Variants in WDR7 observed in about 807,000 individuals in gnomAD.
The protein encoded by WDR7 is WD repeat-containing protein 7.
In WDR7, 46 loss-of-function variants were observed where a neutral mutation model predicts 169.4. The ratio of observed to expected loss-of-function variants is 0.27; its 90% CI spans 0.21 to 0.35. The LOEUF is 0.35. Among genes scored for constraint, WDR7 ranks in the 10% least tolerant of loss-of-function variants. The pLI, the probability that WDR7 is intolerant of heterozygous loss-of-function variation, is 1.00. For synonymous variants in WDR7, 612 were observed against 666.8 expected, an observed-to-expected ratio of 0.92 and a Z score of 1.27; for missense variants, 1,534 against 1,859.3, an observed-to-expected ratio of 0.83 and a Z score of 3.22.
Position 56,756,389 on chromosome 18 carries a change from C to A in WDR7, c.1990-194C>A, listed in dbSNP as rs528732709. ...TTTGTGATTGTTTCAGCATAAAGTTCTTCTAATTGTGTAAGCTGATATCTT... is the reference window on the plus strand; with the variant it reads ...TTTGTGATTGTTTCAGCATAAAGTTATTCTAATTGTGTAAGCTGATATCTT... On this transcript the variant is annotated intron_variant, in intron 14 of 27. Coordinates refer to ENST00000254442, the MANE Select transcript of WDR7 (RefSeq NM_015285.3). 2.0e-5 allele frequency among the ~76,000 whole-genome samples: 3 copies of A among 152,020 alleles called. No individual in the cohort carries two copies. The East Asian group carries it at 5.8e-4, about 29-fold the overall frequency.
intron 26 of WDR7, among the ~76,000 whole-genome samples, chr18:56,964,246 T>C (rs1169160354): frequency 6.6e-6 from 1 of 152,080 alleles, no homozygotes; most frequent in Non-Finnish European, 1.5e-5. Context: ...TTGAATATCT[T>C]ATCTTTTTCA....
Position 56,955,325 on chromosome 18 carries a change from C to T in WDR7, c.4065-7105C>T, listed in dbSNP as rs556852617. Among the ~76,000 whole-genome samples the T allele has an allele frequency of 2.0e-5, 3 of 152,190 alleles. No homozygotes were observed. The South Asian group carries it at 6.2e-4, about 32-fold the overall frequency. ...AAGTTCTTCATATTAAAACAAAAAA[C>T]TTGACCTTCCAGCAGTATTCCATTT... On this transcript the variant is annotated intron_variant, in intron 25 of 27. Coordinates refer to ENST00000254442, the MANE Select transcript of WDR7 (RefSeq NM_015285.3).
chr18:56,948,147 G>A lies in WDR7; in HGVS notation c.4064+8754G>A, dbSNP rs116388782. ...TTTGGTCACTTAAAACTGCACAGTC[G>A]TACATTATATGCACGACTGCACATT... On this transcript the variant is annotated intron_variant, in intron 25 of 27. Transcript: ENST00000254442. 3.3e-5 allele frequency among the ~76,000 whole-genome samples: 5 copies of A among 151,882 alleles called. No individual in the cohort carries two copies. The South Asian group carries it at 6.2e-4, about 19-fold the overall frequency.
At chr18:56,844,317 A>T (rs1400418869) in intron 20 of WDR7, among the ~76,000 whole-genome samples, 1 of 152,166 alleles carries the variant, frequency 6.6e-6, no homozygotes, top group East Asian at 1.9e-4. Context: ...TTAACTTTTT[A>T]AAAAATAGAT....
At position 57,027,224 on chromosome 18, in the gene WDR7, C is replaced by T. The variant is rs376196832; in HGVS notation, c.*17C>T. The T allele has an allele frequency of 1.6e-4, 252 of 1,599,556 alleles. 2 individuals carry two copies. Among genetic ancestry groups the T allele is most frequent in the Middle Eastern group, 1.2e-3 (7 of 6,044 alleles). On this transcript the variant is annotated 3_prime_UTR_variant, in exon 28 of 28. Transcript: ENST00000254442. ...ATGGTCTAATGCTGCTGCCTGCCGC[C>T]GTGACTGCGTTTTAGTTCTCTAAAT...
intron 20 of WDR7, among the ~76,000 whole-genome samples, chr18:56,846,846 C>T (rs1356502242): frequency 6.6e-6 from 1 of 152,186 alleles, no homozygotes; most frequent in African/African-American, 2.4e-5. Flanking sequence ...GCCTGCAGAG[C>T]CATGAGCCAA....
chr18:57,002,733 A>C (rs1358826102), intron 26 of WDR7, among the ~76,000 whole-genome samples: 3 of 152,190 alleles, frequency 2.0e-5, no homozygotes, highest in African/African-American at 7.2e-5. Context: ...AAGTTTGGTC[A>C]AGAAAGAAAC....
chr18:56,732,856 A>T (rs1325500575), intron 14 of WDR7, among the ~76,000 whole-genome samples: 1 of 152,172 alleles, frequency 6.6e-6, no homozygotes, highest in Non-Finnish European at 1.5e-5. Context: ...TTTGATTTTG[A>T]GCAAATTTAT....
chr18:56,801,019 T>C (rs1414597919), intron 19 of WDR7, among the ~76,000 whole-genome samples: 1 of 152,182 alleles, frequency 6.6e-6, no homozygotes, highest in African/African-American at 2.4e-5. Context: ...ATATCTAGAA[T>C]TATGTCTGTA....
At chr18:56,890,664 A>AT (rs1568251235) in intron 21 of WDR7, among the ~76,000 whole-genome samples, 2 of 152,164 alleles carry the variant, frequency 1.3e-5, no homozygotes, top group African/African-American at 4.8e-5. Flanking sequence ...TAGAGATTGC[A>AT]TTTCTGTTTG....
chr18:56,967,040 G>A (rs1429367561), intron 26 of WDR7, among the ~76,000 whole-genome samples: 3 of 152,100 alleles, frequency 2.0e-5, no homozygotes, highest in South Asian at 4.1e-4. Flanking sequence ...AAATGTTGGC[G>A]ATTATTATAT....
chr18:56,715,653 G>A (rs1198292913), intron 12 of WDR7, among the ~76,000 whole-genome samples: 1 of 152,084 alleles, frequency 6.6e-6, no homozygotes, highest in Non-Finnish European at 1.5e-5. Flanking sequence ...GGGCAACATA[G>A]AGGCTCTATT....
chr18:56,834,769 G>A (rs572297720), intron 20 of WDR7, among the ~76,000 whole-genome samples: 2 of 152,292 alleles, frequency 1.3e-5, no homozygotes, highest in East Asian at 3.9e-4. Context: ...CGTTTAAAAT[G>A]TCAGATTTTA....
chr18:56,876,869 C>G (rs756025131), intron 20 of WDR7, among the ~76,000 whole-genome samples: 6 of 151,886 alleles, frequency 4.0e-5, no homozygotes, highest in Non-Finnish European at 8.8e-5. Context: ...TACAAAAGAT[C>G]AAAACCAAAG....
At chr18:56,941,028 G>A (rs575056854) in intron 25 of WDR7, among the ~76,000 whole-genome samples, 5 of 152,226 alleles carry the variant, frequency 3.3e-5, no homozygotes, top group East Asian at 1.9e-4. Context: ...CTGATTTGGC[G>A]GAAAGGAGTT....
intron 19 of WDR7, among the ~76,000 whole-genome samples, chr18:56,795,929 T>C (rs1321470946): frequency 6.6e-6 from 1 of 152,246 alleles, no homozygotes; most frequent in Non-Finnish European, 1.5e-5. Context: ...CACAATTATA[T>C]TAGCTAATAT....
intron 13 of WDR7, among the ~76,000 whole-genome samples, chr18:56,722,604 T>C (rs952743100): frequency 6.6e-6 from 1 of 152,198 alleles, no homozygotes; most frequent in Non-Finnish European, 1.5e-5. Flanking sequence ...CCAAGTATAA[T>C]CAGAGAGTTT....
chr18:56,652,476 A>G (rs1177221648), intron 1 of WDR7, among the ~76,000 whole-genome samples: 1 of 152,234 alleles, frequency 6.6e-6, no homozygotes, highest in African/African-American at 2.4e-5. Context: ...TTGTAAAACA[A>G]AAATTTTAGT....
intron 26 of WDR7, among the ~76,000 whole-genome samples, chr18:57,019,819 G>T (rs935500862): frequency 1.3e-5 from 2 of 151,964 alleles, no homozygotes; most frequent in African/African-American, 4.8e-5. Flanking sequence ...AATTTTCTTA[G>T]TTTAAGGGCA....
Sources: gnomAD v4.1 joint callset for allele counts (sites outside exome capture counted in the v4.1 genomes callset) on GRCh38, gnomAD v4.1.1 for gene constraint, MANE v1.5 for transcripts, NCBI Gene and HGNC (gene_info 2026-07-23, HGNC 2026-07-21) for gene names.